The following STX4 variants were observed in gnomAD, a reference collection of about 807,000 sequenced individuals.
STX4 encodes the protein syntaxin-4.
Under a neutral mutation model 41.8 loss-of-function variants are expected in STX4, and 24 were observed. The observed-to-expected ratio is 0.57, with a 90% CI of 0.42 to 0.81. The LOEUF (loss-of-function observed/expected upper bound fraction) is 0.81, where lower values mean the gene tolerates loss of function less well. Ranked by LOEUF, STX4 falls within the 30% of genes least tolerant of loss-of-function variation. The probability of loss-of-function intolerance (pLI) is 0.00; values close to 1 mark genes in which losing one functional copy is unlikely to be tolerated. For missense variants in STX4, 316 were observed against 389.9 expected, an observed-to-expected ratio of 0.81 and a Z score of 1.60; for synonymous variants, 158 against 156.4, an observed-to-expected ratio of 1.01 and a Z score of -0.08.
chr16:31,039,252 GA>G lies in STX4; in HGVS notation c.703-287del, dbSNP rs537366441. On this transcript the variant is annotated intron_variant, in intron 8 of 10. Coordinates refer to ENST00000313843, the MANE Select transcript of STX4 (RefSeq NM_004604.5). This position sits in a 1 kb window ranked among gnomAD's most constrained non-coding sequence, Gnocchi z 4.1. Reference sequence around the variant, plus strand: ...AATGGGTAAATTCAGACAGATTTGTGAAGGCACAGTTCACCATCTGTGAAAG... The same window carrying G: ...AATGGGTAAATTCAGACAGATTTGTGAGGCACAGTTCACCATCTGTGAAAG... 6.9e-5 allele frequency: 27 copies of G among 390,780 alleles called. 1 individual carries two copies. The South Asian group carries it at 8.0e-4, about 12-fold the overall frequency. 24.2% of individuals were successfully genotyped at this position (390,780 alleles called of 1,614,324 possible). A position where few individuals can be genotyped will look rare whatever the true frequency, so the allele number is the denominator to read the frequency against.
At chr16:31,034,774 G>T in intron 4 of STX4, 196 bp from the exon 5 acceptor site, 1 of 676,612 alleles carries the variant, frequency 1.5e-6, no homozygotes, top group East Asian at 2.9e-5. Flanking sequence ...TGCCCACTGG[G>T]CATTCTTTGG....
At position 31,039,012 on chromosome 16, in the gene STX4, C is replaced by T. The variant is rs556515268; in HGVS notation, c.702+365C>T. On this transcript the variant is annotated intron_variant, in intron 8 of 10. Transcript: ENST00000313843. The surrounding 1 kb of genome is among the most constrained non-coding windows in gnomAD (Gnocchi z 4.1). ...CATCTGTACAAGGCTGGGGTGGGGG[C>T]GGCGTTCCCCTGGCCCTGGTTGTGA... 9 of 257,900 alleles carry T rather than the reference C, an allele frequency of 3.5e-5. No homozygotes were observed. Among genetic ancestry groups the T allele is most frequent in the Admixed American group, 2.0e-4 (4 of 20,432 alleles). The allele number at this position is 257,900 out of a possible 1,614,324, so 16.0% of individuals were successfully genotyped here.
At chr16:31,033,499 C>T (rs192689001), upstream of STX4, 28 of 1,550,598 alleles carry the variant, frequency 1.8e-5, no homozygotes, top group Middle Eastern at 5.0e-4. The surrounding 1 kb of genome is among the most constrained non-coding windows in gnomAD (Gnocchi z 5.5). Context: ...TTCCCAGCCT[C>T]GGGCAAGGAA....
At chr16:31,034,430 C>T in intron 3 of STX4, 32 bp from the exon 4 acceptor site, 1 of 1,599,694 alleles carries the variant, frequency 6.3e-7, no homozygotes, top group Non-Finnish European at 8.5e-7. Flanking sequence ...GTGGGGGCTG[C>T]TGTTTGGGAG....
Position 31,038,034 on chromosome 16 carries a change from A to T in STX4, c.487A>T (p.Thr163Ser). 1 of 1,614,248 alleles carries T rather than the reference A, an allele frequency of 6.2e-7. No homozygotes were observed. The highest frequency in any genetic ancestry group is 8.5e-7 in the Non-Finnish European group (1 of 1,180,042). ...VERIRRQLKI[T>S]NAGMVSDEEL... ...GCGGATTCGGAGGCAGCTGAAGATC[A>T]GTGAGTTGTGCATGCCCAGCCTGGC... Residue 163 changes from threonine (T) to serine (S), a missense_variant and splice_region_variant, in exon 6 of 11, where the codon ACC becomes TCC. Transcript: ENST00000313843.
At chr16:31,034,679 C>T in intron 4 of STX4, 143 bp downstream of exon 4, 9 of 960,338 alleles carry the variant, frequency 9.4e-6, no homozygotes, top group Non-Finnish European at 1.4e-5. Context: ...CTCCTGGCCT[C>T]CAGGCCATTG....
rs1451250567 is a variant in STX4 at position 31,033,767 on chromosome 16, TC to T, written c.-36del. 3 of 1,448,970 alleles carry T rather than the reference TC, an allele frequency of 2.1e-6. No individual in the cohort carries two copies. The highest frequency in any genetic ancestry group is 2.7e-6 in the Non-Finnish European group (3 of 1,098,666). 89.8% of individuals were successfully genotyped at this position (1,448,970 alleles called of 1,614,324 possible). ...TACGGGAATTCCAAATTTGAGGGCC[TC>T]CCGGCTCTGGCGCCGGGGAGGGAGA... On this transcript the variant is annotated 5_prime_UTR_variant, in exon 1 of 11. Transcript: ENST00000313843. This position sits in a 1 kb window ranked among gnomAD's most constrained non-coding sequence, Gnocchi z 5.5.
rs2056787786 is a variant in STX4 at position 31,034,900 on chromosome 16, A to T, written c.308-70A>T. On this transcript the variant is annotated intron_variant, in intron 4 of 10. Coordinates refer to ENST00000313843, the MANE Select transcript of STX4 (RefSeq NM_004604.5). ...TTAGAGGCTCAGCCTTAGTCATTTTATGATAAATTATATTTCCCTAAAAAT... is the reference window on the plus strand; with the variant it reads ...TTAGAGGCTCAGCCTTAGTCATTTTTTGATAAATTATATTTCCCTAAAAAT... The T allele has an allele frequency of 3.0e-6, 4 of 1,345,270 alleles. No homozygotes were observed. In the African/African-American group the frequency reaches 6.0e-5, roughly 20 times the overall value. The allele number at this position is 1,345,270 out of a possible 1,614,324, so 83.3% of individuals were successfully genotyped here. A position where few individuals can be genotyped will look rare whatever the true frequency, so the allele number is the denominator to read the frequency against.
At position 31,039,798 on chromosome 16, in the gene STX4, G is replaced by A. The variant is rs765803811; in HGVS notation, c.889G>A (p.Gly297Arg). ...LAVIIGVTVV[G>R] ...AGTCATCATTGGCGTCACAGTGGTT[G>A]GATAATGTCGCACATTGTTGGTGAG... The change falls in exon 10 of 11, where the codon GGA becomes AGA. Residue 297 changes from glycine to arginine, a missense_variant. Physicochemically the swap from Gly to Arg is moderately radical, Grantham distance 125 (BLOSUM62 -2). Transcript: ENST00000313843. This position sits in a 1 kb window ranked among gnomAD's most constrained non-coding sequence, Gnocchi z 4.1. 13 of 1,614,048 alleles carry A rather than the reference G, an allele frequency of 8.1e-6. No individual in the cohort carries two copies. Among genetic ancestry groups the A allele is most frequent in the African/African-American group, 2.7e-5 (2 of 74,918 alleles).
At chr16:31,038,447 G>A in intron 7 of STX4, 63 bp from the exon 8 acceptor site, 4 of 1,597,274 alleles carry the variant, frequency 2.5e-6, no homozygotes, top group Non-Finnish European at 3.4e-6. Context: ...AAGCTCAACA[G>A]GAGTTTCTGA....
Position 31,037,993 on chromosome 16 carries a change from GGGAGAAGAACGT to G in STX4, c.451_462del (p.Lys151_Glu154del). The G allele has an allele frequency of 6.2e-7, 1 of 1,614,118 alleles. No homozygotes were observed. The highest frequency in any genetic ancestry group is 8.5e-7 in the Non-Finnish European group (1 of 1,180,008). On this transcript the variant is annotated inframe_deletion, in exon 6 of 11. Transcript: ENST00000313843. ...TGCAATTCAATGCAGTCCGAATACC[GGGAGAAGAACGT>G]GGAGCGGATTCGGAGGCAGCTGAAG...
In STX4 at chr16:31,038,925, G is replaced by GCCCTCA. The variant is rs1386152954; in HGVS notation, c.702+279_702+280insCCTCAC. 1.3e-5 allele frequency among the ~76,000 whole-genome samples: 2 copies of GCCCTCA among 152,084 alleles called. 1 individual carries two copies. The stretch of plus-strand genomic sequence containing the variant: ...AGCCCTCACTCCCCCTCCACTAACA[G>GCCCTCA]CATCCACCCTTATACCTCTCAGAGG... On this transcript the variant is annotated intron_variant, in intron 8 of 10. Coordinates refer to ENST00000313843, the MANE Select transcript of STX4 (RefSeq NM_004604.5).
In STX4 at chr16:31,038,011, G is replaced by A. The variant is rs767822435; in HGVS notation, c.464G>A (p.Arg155Gln). The A allele has an allele frequency of 6.2e-6, 10 of 1,614,080 alleles. No homozygotes were observed. Residue 155 changes from arginine (R) to glutamine (Q), a missense_variant, in exon 6 of 11, where the codon CGG becomes CAG. Transcript: ENST00000313843. ...GAATACCGGGAGAAGAACGTGGAGC[G>A]GATTCGGAGGCAGCTGAAGATCAGT... The part of the protein sequence containing the change: ...QSEYREKNVE[R>Q]IRRQLKITNA...
chr16:31,039,167 G>A lies in STX4; in HGVS notation c.703-374G>A, dbSNP rs2056825702. 2 of 262,430 alleles carry A rather than the reference G, an allele frequency of 7.6e-6. No individual in the cohort carries two copies. Among genetic ancestry groups the A allele is most frequent in the South Asian group, 9.7e-5 (2 of 20,718 alleles). The allele number at this position is 262,430 out of a possible 1,614,324, so 16.3% of individuals were successfully genotyped here. ...AGGAGTACTGAGACCTGAGGCTGGT[G>A]GTGCCAGGAGGAGGCAGGGATAGGG... On this transcript the variant is annotated intron_variant, in intron 8 of 10. Transcript: ENST00000313843. The surrounding 1 kb of genome is among the most constrained non-coding windows in gnomAD (Gnocchi z 4.1).
In STX4 at chr16:31,039,840, C is replaced by T. The variant is rs765598299; in HGVS notation, c.*15+22C>T. 7.5e-6 allele frequency: 12 copies of T among 1,609,190 alleles called. No individual in the cohort carries two copies. On this transcript the variant is annotated intron_variant, in intron 10 of 10. Transcript: ENST00000313843. This position sits in a 1 kb window ranked among gnomAD's most constrained non-coding sequence, Gnocchi z 4.1. ...GTTGGTGAGATGTTGTGGGCTGCCC[C>T]CTGGCCTGCCCCAGCCCTGGCCCCA... is the stretch of plus-strand genomic sequence containing the variant.
intron 4 of STX4, 66 bp downstream of exon 4, chr16:31,034,602 G>T: frequency 1.4e-6 from 2 of 1,464,816 alleles, no homozygotes. Flanking sequence ...TATATCTGGG[G>T]AGTGTGTGGC....
Position 31,038,798 on chromosome 16 carries a change from C to A in STX4, c.702+151C>A, listed in dbSNP as rs112620867. On this transcript the variant is annotated intron_variant, in intron 8 of 10. Transcript: ENST00000313843. ...TGCTTATTCCTATCCTTAGCTGTAC[C>A]CCGAGAATGGCACCTGCCTCTGCTG... 1.4e-3 allele frequency: 1,421 copies of A among 1,046,564 alleles called. 18 individuals are homozygous for A. Among genetic ancestry groups the A allele is most frequent in the Middle Eastern group, 0.01 (33 of 3,172 alleles). The allele number at this position is 1,046,564 out of a possible 1,614,324, so 64.8% of individuals were successfully genotyped here.
upstream of STX4, chr16:31,033,406 G>A: frequency 7.5e-7 from 1 of 1,341,966 alleles, no homozygotes; most frequent in Non-Finnish European, 1.0e-6. The surrounding 1 kb of genome is among the most constrained non-coding windows in gnomAD (Gnocchi z 5.5). Flanking sequence ...GTTGGAAGAT[G>A]CAACGGTTCC....
intron 5 of STX4, 52 bp from the exon 6 acceptor site, chr16:31,037,874 G>T: frequency 1.2e-6 from 2 of 1,602,638 alleles, no homozygotes; most frequent in South Asian, 2.2e-5. Flanking sequence ...CCGAGGCACC[G>T]ACCGGGCAGG....
Sources: gnomAD v4.1 joint callset for allele counts (sites outside exome capture counted in the v4.1 genomes callset) on GRCh38, gnomAD v4.1.1 for gene constraint, Gnocchi (gnomAD v3.1) non-coding constraint, MANE v1.5 for transcripts, NCBI Gene and HGNC (gene_info 2026-07-23, HGNC 2026-07-21) for gene names.